Variants in TMEM132D observed in about 807,000 individuals in gnomAD.
TMEM132D encodes the protein transmembrane protein 132D, also known as mature OL transmembrane protein.
A neutral mutation model predicts 62.3 loss-of-function variants in TMEM132D; 21 were observed. The ratio of observed to expected loss-of-function variants is 0.34; its 90% CI spans 0.24 to 0.49. The LOEUF (loss-of-function observed/expected upper bound fraction) is 0.49, where lower values mean the gene tolerates loss of function less well. Ranked by LOEUF, TMEM132D falls within the 20% of genes least tolerant of loss-of-function variation. TMEM132D has a pLI of 0.99. For synonymous variants in TMEM132D, 621 were observed against 575.6 expected, an observed-to-expected ratio of 1.08 and a Z score of -1.13; for missense variants, 1,346 against 1,402.8, an observed-to-expected ratio of 0.96 and a Z score of 0.65.
At chr12:129,089,654 G>C (rs916780571) in intron 5 of TMEM132D, among the ~76,000 whole-genome samples, 5 of 152,094 alleles carry the variant, frequency 3.3e-5, no homozygotes, top group Non-Finnish European at 7.4e-5. Flanking sequence ...GGGATGTAAG[G>C]GGCTAGGACC....
intron 2 of TMEM132D, among the ~76,000 whole-genome samples, chr12:129,565,420 A>T (rs1170682032): frequency 6.6e-6 from 1 of 152,254 alleles, no homozygotes; most frequent in Non-Finnish European, 1.5e-5. Context: ...ATTGCTACAA[A>T]GAGTCTGTTG....
chr12:129,176,507 G>A (rs1877910298), intron 5 of TMEM132D, among the ~76,000 whole-genome samples: 1 of 152,240 alleles, frequency 6.6e-6, no homozygotes, highest in Non-Finnish European at 1.5e-5. Flanking sequence ...AGGCCACAGA[G>A]GAAGGCGAAT....
chr12:129,391,374 C>T (rs1871285381), intron 3 of TMEM132D, among the ~76,000 whole-genome samples: 1 of 152,198 alleles, frequency 6.6e-6, no homozygotes, highest in South Asian at 2.1e-4. Flanking sequence ...AGAAGGTCCA[C>T]TGTGCCTCTA....
chr12:129,682,843 AGCAAGACT>A (rs1390389324), intron 2 of TMEM132D: 1 of 145,798 alleles, frequency 6.9e-6, no homozygotes, highest in African/African-American at 2.6e-5. Flanking sequence ...TGGGCAACAC[AGCAAGACT>A]CCATCTCTAA....
intron 3 of TMEM132D, among the ~76,000 whole-genome samples, chr12:129,395,766 A>T (rs940098027): frequency 4.7e-5 from 7 of 148,784 alleles, no homozygotes; most frequent in Non-Finnish European, 1.0e-4. Flanking sequence ...TAAAATATAT[A>T]TCTATATACT....
intron 1 of TMEM132D, among the ~76,000 whole-genome samples, chr12:129,780,729 T>A (rs1216218651): frequency 6.6e-6 from 1 of 152,182 alleles, no homozygotes; most frequent in East Asian, 1.9e-4. Flanking sequence ...GCTGCATAGA[T>A]AAATACCTGA....
chr12:129,809,298 A>C (rs1160245148), intron 1 of TMEM132D, among the ~76,000 whole-genome samples: 4 of 128,518 alleles, frequency 3.1e-5, no homozygotes, highest in African/African-American at 1.2e-4. Context: ...ACAGAGCGAG[A>C]CTCCATATCA....
At chr12:129,854,901 T>TGTA (rs1228394139) in intron 1 of TMEM132D, 2 of 152,302 alleles carry the variant, frequency 1.3e-5, no homozygotes, top group African/African-American at 2.4e-5. Flanking sequence ...GTCTACCAGA[T>TGTA]GACTTTTCAG....
intron 2 of TMEM132D, among the ~76,000 whole-genome samples, chr12:129,560,545 C>T (rs942538127): frequency 1.3e-5 from 2 of 152,186 alleles, no homozygotes; most frequent in South Asian, 4.1e-4. Flanking sequence ...GCTAGGATTA[C>T]AGGCATGAGC....
intron 1 of TMEM132D, among the ~76,000 whole-genome samples, chr12:129,832,523 C>T (rs1365768427): frequency 1.3e-5 from 2 of 152,120 alleles, no homozygotes; most frequent in East Asian, 3.9e-4. Flanking sequence ...GGGGAGATGA[C>T]ATCCTCGCAG....
At chr12:129,424,850 T>C (rs991186657) in intron 3 of TMEM132D, among the ~76,000 whole-genome samples, 1 of 152,124 alleles carries the variant, frequency 6.6e-6, no homozygotes, top group Non-Finnish European at 1.5e-5. Flanking sequence ...AAAAAGACTT[T>C]AAACTCGTCA....
intron 1 of TMEM132D, among the ~76,000 whole-genome samples, chr12:129,884,529 T>C (rs578175292): frequency 5.9e-5 from 9 of 152,364 alleles, no homozygotes; most frequent in Non-Finnish European, 8.8e-5. Context: ...ACATCATTAG[T>C]AATTAGGGGA....
chr12:129,473,324 G>GGTTTT (rs765814219), intron 3 of TMEM132D, among the ~76,000 whole-genome samples: 2 of 81,548 alleles, frequency 2.5e-5, no homozygotes, highest in African/African-American at 9.6e-5. Flanking sequence ...TTTAGTTTTT[G>GGTTTT]TTTTTTTTTT....
chr12:129,872,092 C>G (rs1874264814), intron 1 of TMEM132D, among the ~76,000 whole-genome samples: 1 of 152,200 alleles, frequency 6.6e-6, no homozygotes, highest in Admixed American at 6.5e-5. Flanking sequence ...CTGCCAAGTC[C>G]CTTCCACCAA....
At chr12:129,618,175 G>A (rs566319692) in intron 2 of TMEM132D, among the ~76,000 whole-genome samples, 21 of 152,304 alleles carry the variant, frequency 1.4e-4, no homozygotes, top group Non-Finnish European at 2.5e-4. Context: ...TTACAGATGC[G>A]AGGGTCCTAT....
At chr12:129,395,189 G>T (rs910987160) in intron 3 of TMEM132D, among the ~76,000 whole-genome samples, 4 of 152,112 alleles carry the variant, frequency 2.6e-5, no homozygotes, top group Non-Finnish European at 5.9e-5. Context: ...CCATTAGATG[G>T]GTGCAAATGG....
chr12:129,467,163 C>T (rs1873936673), intron 3 of TMEM132D, among the ~76,000 whole-genome samples: 1 of 152,118 alleles, frequency 6.6e-6, no homozygotes, highest in Non-Finnish European at 1.5e-5. Context: ...AAGAAACAGA[C>T]ACTAATGCAA....
chr12:129,554,163 C>T (rs1876985594), intron 2 of TMEM132D, among the ~76,000 whole-genome samples: 1 of 152,192 alleles, frequency 6.6e-6, no homozygotes, highest in Non-Finnish European at 1.5e-5. Flanking sequence ...ACGGCTCACA[C>T]TGCATCATCA....
At chr12:129,094,243 C>A (rs1162361306) in intron 5 of TMEM132D, among the ~76,000 whole-genome samples, 3 of 152,178 alleles carry the variant, frequency 2.0e-5, no homozygotes, top group Non-Finnish European at 4.4e-5. Context: ...AGTGAACAGG[C>A]AACCTACAGA....
Sources: gnomAD v4.1 joint callset for allele counts (sites outside exome capture counted in the v4.1 genomes callset) on GRCh38, gnomAD v4.1.1 for gene constraint, MANE v1.5 for transcripts, NCBI Gene and HGNC (gene_info 2026-07-23, HGNC 2026-07-21) for gene names.